Variants in IREB2 observed in about 807,000 individuals in gnomAD.
The protein encoded by IREB2 is iron responsive element binding protein 2.
A neutral mutation model predicts 118.8 loss-of-function variants in IREB2; 39 were observed. That is an observed-to-expected ratio of 0.33 (90% CI 0.25 to 0.43). The LOEUF is 0.43. IREB2 is among the 20% of genes least tolerant of loss of function. The probability of loss-of-function intolerance (pLI) is 1.00; values close to 1 mark genes in which losing one functional copy is unlikely to be tolerated. For missense variants in IREB2, 900 were observed against 1,147.3 expected, an observed-to-expected ratio of 0.78 and a Z score of 3.11; for synonymous variants, 372 against 392.2, an observed-to-expected ratio of 0.95 and a Z score of 0.61.
intron 2 of IREB2, among the ~76,000 whole-genome samples, chr15:78,442,416 A>T (rs1203538128): frequency 6.6e-6 from 1 of 152,214 alleles, no homozygotes; most frequent in Non-Finnish European, 1.5e-5. Context: ...TTACAAGAAG[A>T]CATTGCTTTG....
At chr15:78,486,792 C>T (rs1277489391) in intron 13 of IREB2, among the ~76,000 whole-genome samples, 1 of 152,104 alleles carries the variant, frequency 6.6e-6, no homozygotes, top group East Asian at 1.9e-4. Context: ...ACCTCAGCCT[C>T]CTGAGTGGCT....
intron 21 of IREB2, 56 bp from the exon 22 acceptor site, chr15:78,497,977 C>G: frequency 1.1e-6 from 1 of 939,866 alleles, no homozygotes; most frequent in Non-Finnish European, 1.7e-6. Context: ...TCTTAACCAT[C>G]AAGTAGCACC....
intron 2 of IREB2, among the ~76,000 whole-genome samples, chr15:78,448,722 C>T (rs977128442): frequency 6.6e-6 from 1 of 152,190 alleles, no homozygotes; most frequent in African/African-American, 2.4e-5. Flanking sequence ...TAGCTTTACC[C>T]TGTAGCTATG....
At chr15:78,437,771 A>G (rs1198938358), upstream of IREB2, 3 of 153,062 alleles carry the variant, frequency 2.0e-5, no homozygotes, top group Non-Finnish European at 4.4e-5. Flanking sequence ...CACGCGCCCG[A>G]TCAGTATGGC....
At chr15:78,438,212 G>A, upstream of IREB2, 1 of 744,820 alleles carries the variant, frequency 1.3e-6, no homozygotes, top group Non-Finnish European at 2.4e-6. Flanking sequence ...CGCGATATTT[G>A]CGCGAGCCTG....
At chr15:78,444,462 A>G (rs112494145) in intron 2 of IREB2, among the ~76,000 whole-genome samples, 37 of 152,056 alleles carry the variant, frequency 2.4e-4, no homozygotes, top group African/African-American at 8.7e-4. Flanking sequence ...GGCACCCTTT[A>G]TCTCAGGTCA....
At position 78,497,288 on chromosome 15, in the gene IREB2, C is replaced by T. The variant is rs984589854; in HGVS notation, c.2758C>T (p.Pro920Ser). 6.2e-7 allele frequency: 1 copy of T among 1,613,098 alleles called. No homozygotes were observed. Among genetic ancestry groups the T allele is most frequent in the Admixed American group, 1.7e-5 (1 of 59,996 alleles). The change falls in exon 21 of 22, where the codon CCT (proline) becomes TCT (serine). Residue 920 changes from proline (P) to serine (S), a missense_variant. Transcript: ENST00000258886. ...TTTAACATTTCCTGAAGAACTGTCT[C>T]CTGGAATTACATTGAATATACAGGT... ...FSLTFPEELS[P>S]GITLNIQTST...
At chr15:78,451,434 C>T (rs983870081) in intron 2 of IREB2, among the ~76,000 whole-genome samples, 3 of 151,434 alleles carry the variant, frequency 2.0e-5, no homozygotes, top group African/African-American at 7.3e-5. Flanking sequence ...ACTTTGTTTT[C>T]GAGTAGAAAT....
chr15:78,446,064 G>A (rs543763859), intron 2 of IREB2, among the ~76,000 whole-genome samples: 2 of 152,306 alleles, frequency 1.3e-5, no homozygotes, highest in East Asian at 1.9e-4. Flanking sequence ...GGTTACAGGT[G>A]TGATCCATTG....
At chr15:78,488,131 C>T in intron 14 of IREB2, 49 bp from the exon 15 acceptor site, 1 of 1,532,296 alleles carries the variant, frequency 6.5e-7, no homozygotes, top group Non-Finnish European at 8.8e-7. Context: ...CAGATTTGTA[C>T]CATCTCTAGA....
chr15:78,465,805 C>G (rs936497122), intron 4 of IREB2, among the ~76,000 whole-genome samples: 5 of 152,102 alleles, frequency 3.3e-5, no homozygotes, highest in African/African-American at 1.2e-4. Context: ...ATTTATAAGG[C>G]CCCTTTGACC....
At chr15:78,443,861 G>A (rs2050884658) in intron 2 of IREB2, among the ~76,000 whole-genome samples, 1 of 151,952 alleles carries the variant, frequency 6.6e-6, no homozygotes, top group African/African-American at 2.4e-5. Context: ...AACAAGGCTG[G>A]TCTCAAACTC....
chr15:78,479,919 T>TG (rs556070457), intron 10 of IREB2: 2 of 135,742 alleles, frequency 1.5e-5, no homozygotes, highest in South Asian at 4.7e-4. Flanking sequence ...AGACAGTGTC[T>TG]AAAAAAAAAA....
intron 1 of IREB2, among the ~76,000 whole-genome samples, chr15:78,439,246 T>TA (rs2050807466): frequency 6.6e-6 from 1 of 152,218 alleles, no homozygotes; most frequent in Non-Finnish European, 1.5e-5. Context: ...TTATTTTCAG[T>TA]ACTAAGCCCT....
chr15:78,454,340 G>A (rs2656066), intron 2 of IREB2, among the ~76,000 whole-genome samples: 4,879 of 152,220 alleles, frequency 0.032, 266 homozygotes, highest in African/African-American at 0.11. Context: ...AATACTATTT[G>A]GCAGTAAAAA....
At chr15:78,462,110 C>A (rs188918139) in intron 2 of IREB2, among the ~76,000 whole-genome samples, 4 of 152,112 alleles carry the variant, frequency 2.6e-5, no homozygotes, top group Non-Finnish European at 4.4e-5. Context: ...TTTAAACTCT[C>A]TTTCTTACAG....
intron 5 of IREB2, among the ~76,000 whole-genome samples, chr15:78,467,456 C>T (rs1314269463): frequency 6.6e-6 from 1 of 152,156 alleles, no homozygotes; most frequent in African/African-American, 2.4e-5. Context: ...CTTTGGGAGG[C>T]CGGGGCAGGC....
At chr15:78,438,215 C>T (rs1021975048), upstream of IREB2, 3 of 762,762 alleles carry the variant, frequency 3.9e-6, no homozygotes, top group Non-Finnish European at 6.8e-6. Flanking sequence ...GATATTTGCG[C>T]GAGCCTGCTT....
intron 2 of IREB2, among the ~76,000 whole-genome samples, chr15:78,462,503 A>G (rs1159803970): frequency 6.6e-6 from 1 of 152,218 alleles, no homozygotes; most frequent in African/African-American, 2.4e-5. Flanking sequence ...AAAATTTTAA[A>G]TTTATTACAG....
Sources: gnomAD v4.1 joint callset for allele counts (sites outside exome capture counted in the v4.1 genomes callset) on GRCh38, gnomAD v4.1.1 for gene constraint, MANE v1.5 for transcripts, NCBI Gene and HGNC (gene_info 2026-07-23, HGNC 2026-07-21) for gene names.